ZNF736: variants seen among roughly 807,000 people sequenced by gnomAD.
ZNF736 encodes KRAB-containing zinc-finger repressor protein.
ZNF736 carries 6 observed loss-of-function variants against 11.7 expected under a neutral mutation model. The ratio of observed to expected loss-of-function variants is 0.51; its 90% CI spans 0.28 to 1.01. ZNF736 has a LOEUF of 1.01. ZNF736 is among the 50% of genes least tolerant of loss of function. The probability of loss-of-function intolerance (pLI) is 0.09; values close to 1 mark genes in which losing one functional copy is unlikely to be tolerated. For synonymous variants in ZNF736, 139 were observed against 164.7 expected, an observed-to-expected ratio of 0.84 and a Z score of 1.19; for missense variants, 444 against 496.0, an observed-to-expected ratio of 0.90 and a Z score of 1.00.
At position 64,314,035 on chromosome 7, in the gene ZNF736, C is replaced by T. The variant is rs1314733197; in HGVS notation, c.-116C>T. On this transcript the variant is annotated 5_prime_UTR_variant, in exon 1 of 4. Coordinates refer to ENST00000423484, the MANE Select transcript of ZNF736 (RefSeq NM_001170905.3). ...GATCCTAGTTCGCGTCTCCACTGTT[C>T]CATCTCCTCCGTTCCTGGAGTTCCT... 1 of 1,429,134 alleles carries T rather than the reference C, an allele frequency of 7.0e-7. No homozygotes were observed. Among genetic ancestry groups the T allele is most frequent in the African/African-American group, 1.4e-5 (1 of 70,696 alleles). 88.5% of individuals were successfully genotyped at this position (1,429,134 alleles called of 1,614,324 possible).
chr7:64,345,255 C>T (rs1309441900), intron 3 of ZNF736, among the ~76,000 whole-genome samples: 1 of 150,586 alleles, frequency 6.6e-6, no homozygotes, highest in Non-Finnish European at 1.5e-5. Flanking sequence ...ATCTCCTGAT[C>T]TCATGATCTG....
rs1789461868 is a variant in ZNF736, at chr7:64,349,791, A to G, written c.*644A>G. On this transcript the variant is annotated 3_prime_UTR_variant, in exon 4 of 4. Transcript: ENST00000423484. ...CTCAGCATTTGCTTGTCTGAATAGG[A>G]TCATATATATTTTTTACTTCTGAAG... 1 of 152,184 alleles carries G rather than the reference A, an allele frequency of 6.6e-6. No individual in the cohort carries two copies. The highest frequency in any genetic ancestry group is 6.5e-5 in the Admixed American group (1 of 15,284). The allele number at this position is 152,184 out of a possible 1,614,324, so 9.4% of individuals were successfully genotyped here.
rs1009254001 is a variant in ZNF736, at chr7:64,348,075, A to AT, written c.227-7dup. The AT allele has an allele frequency of 1.3e-5, 19 of 1,471,450 alleles. No homozygotes were observed. Among genetic ancestry groups the AT allele is most frequent in the South Asian group, 4.3e-5 (3 of 69,742 alleles). 91.1% of individuals were successfully genotyped at this position (1,471,450 alleles called of 1,614,324 possible). A position where few individuals can be genotyped will look rare whatever the true frequency, so the allele number is the denominator to read the frequency against. ...CCTGAGTCTAATGAGGGAGAATTTTATTTTTTTTCTCCAGCTGGTTCTTTT... is the reference window on the plus strand; with the variant it reads ...CCTGAGTCTAATGAGGGAGAATTTTATTTTTTTTTCTCCAGCTGGTTCTTTT... On this transcript the variant is annotated splice_polypyrimidine_tract_variant and intron_variant, in intron 3 of 3. Transcript: ENST00000423484.
chr7:64,322,097 T>A (rs1243211373), intron 1 of ZNF736, among the ~76,000 whole-genome samples: 1 of 152,090 alleles, frequency 6.6e-6, no homozygotes, highest in Non-Finnish European at 1.5e-5. Flanking sequence ...TAGAAGAAGG[T>A]ACATTTTATG....
At chr7:64,336,766 G>T in intron 2 of ZNF736, 121 bp from the exon 3 acceptor site, 1 of 831,996 alleles carries the variant, frequency 1.2e-6, no homozygotes, top group Non-Finnish European at 1.9e-6. Flanking sequence ...TTAGGAAACA[G>T]TATATTAAAA....
In ZNF736 at chr7:64,356,425, A is replaced by G. The variant is rs1361283615; in HGVS notation, c.*7278A>G. ...TCTAAGATAAAATATTTGAGAATTA[A>G]TATTACCCAACTTGTCCAATAAAAT... On this transcript the variant is annotated 3_prime_UTR_variant, in exon 4 of 4. Transcript: ENST00000423484. 2.0e-5 allele frequency among the ~76,000 whole-genome samples: 3 copies of G among 152,192 alleles called. No individual in the cohort carries two copies. Among genetic ancestry groups the G allele is most frequent in the Admixed American group, 6.5e-5 (1 of 15,274 alleles).
In ZNF736 at chr7:64,356,585, CTTAT is replaced by C. The variant is rs1432099867; in HGVS notation, c.*7442_*7445del. ...AAACTAAGTTTACTTAAATTATTTACTTATTTAAGAAATCTAATTACATTTTAAA... is the reference window on the plus strand; with the variant it reads ...AAACTAAGTTTACTTAAATTATTTACTTAAGAAATCTAATTACATTTTAAA... On this transcript the variant is annotated 3_prime_UTR_variant, in exon 4 of 4. Coordinates refer to ENST00000423484, the MANE Select transcript of ZNF736 (RefSeq NM_001170905.3). 1.4e-4 allele frequency among the ~76,000 whole-genome samples: 21 copies of C among 151,572 alleles called. No homozygotes were observed. The highest frequency in any genetic ancestry group is 1.2e-4 in the Non-Finnish European group (8 of 67,930).
intron 3 of ZNF736, among the ~76,000 whole-genome samples, chr7:64,342,327 A>T (rs1053617412): frequency 6.6e-6 from 1 of 152,190 alleles, no homozygotes; most frequent in Non-Finnish European, 1.5e-5. Flanking sequence ...GAGAACTTTT[A>T]TCAGAGCACA....
In ZNF736 at chr7:64,319,331, G is replaced by GTGTA. The variant is rs1168269136; in HGVS notation, c.3+5180_3+5183dup. On this transcript the variant is annotated intron_variant, in intron 1 of 3. Transcript: ENST00000423484. Reference sequence around the variant, plus strand: ...TGTATATGTATGTGTGTGTGTGTATGTGTATATATATATATATATATATAT... The same window carrying GTGTA: ...TGTATATGTATGTGTGTGTGTGTATGTGTATGTATATATATATATATATATATAT... Among the ~76,000 whole-genome samples, 400 of 75,516 alleles carry GTGTA rather than the reference G, an allele frequency of 5.3e-3. 16 individuals carry two copies. The highest frequency in any genetic ancestry group is 8.0e-3 in the Admixed American group (54 of 6,790). 49.5% of individuals were successfully genotyped at this position (75,516 alleles called of 152,430 possible).
At position 64,332,805 on chromosome 7, in the gene ZNF736, T is replaced by C. The variant is rs569990360; in HGVS notation, c.4-3454T>C. On this transcript the variant is annotated intron_variant, in intron 1 of 3. Transcript: ENST00000423484. Reference sequence around the variant, plus strand: ...GCTAGGAAAAGAATTTAGCAATATCTCTCCTACTTGCATGCCTGTTTATAG... The same window carrying C: ...GCTAGGAAAAGAATTTAGCAATATCCCTCCTACTTGCATGCCTGTTTATAG... 7.9e-5 allele frequency among the ~76,000 whole-genome samples: 12 copies of C among 152,178 alleles called. No homozygotes were observed. In the South Asian group the frequency reaches 2.5e-3, roughly 32 times the overall value.
chr7:64,336,333 G>C lies in ZNF736; in HGVS notation c.78G>C (p.Gln26His). The change falls in exon 2 of 4, where the codon CAG becomes CAC. Residue 26 changes from glutamine (Q) to histidine (H), a missense_variant. Coordinates refer to ENST00000423484, the MANE Select transcript of ZNF736 (RefSeq NM_001170905.3). Reference protein sequence around the residue: ...EEWECLDSAQQRLYRDVMLEN... With the variant: ...EEWECLDSAQHRLYRDVMLEN... ...GGGAATGCCTGGACTCTGCTCAGCAGCGTTTGTATAGGGATGTGATGTTAG... is the reference window on the plus strand; with the variant it reads ...GGGAATGCCTGGACTCTGCTCAGCACCGTTTGTATAGGGATGTGATGTTAG... 1.9e-6 allele frequency: 3 copies of C among 1,613,894 alleles called. No individual in the cohort carries two copies. The East Asian group carries it at 6.7e-5, about 36-fold the overall frequency.
intron 1 of ZNF736, among the ~76,000 whole-genome samples, chr7:64,325,563 C>T (rs1169821784): frequency 3.9e-5 from 6 of 152,248 alleles, no homozygotes; most frequent in African/African-American, 1.4e-4. Context: ...TCCATGAGTT[C>T]AAGGTCATGG....
At chr7:64,329,738 A>G (rs1407810353) in intron 1 of ZNF736, among the ~76,000 whole-genome samples, 2 of 151,984 alleles carry the variant, frequency 1.3e-5, no homozygotes, top group Non-Finnish European at 2.9e-5. Flanking sequence ...TGGCTCTCAC[A>G]TAAGGCCCAC....
At chr7:64,331,528 C>T (rs560010301) in intron 1 of ZNF736, among the ~76,000 whole-genome samples, 11 of 152,294 alleles carry the variant, frequency 7.2e-5, no homozygotes, top group African/African-American at 2.4e-4. Flanking sequence ...GATCACTCCC[C>T]AGAGTTTTTT....
At chr7:64,330,432 C>T (rs1478931774) in intron 1 of ZNF736, among the ~76,000 whole-genome samples, 1 of 152,040 alleles carries the variant, frequency 6.6e-6, no homozygotes. Flanking sequence ...GCTGGGATTA[C>T]AGGCCTGAGC....
rs764750326 is a variant in ZNF736 at position 64,334,526 on chromosome 7, A to G, written c.4-1733A>G. Among the ~76,000 whole-genome samples, 10 of 152,234 alleles carry G rather than the reference A, an allele frequency of 6.6e-5. 1 individual carries two copies. The highest frequency in any genetic ancestry group is 1.5e-4 in the Non-Finnish European group (10 of 68,036). On this transcript the variant is annotated intron_variant, in intron 1 of 3. Transcript: ENST00000423484. ...AAAAGAAGATATTTATGCAGCCAAC[A>G]AACATAAAAAAAAGTTCATCATCAC...
chr7:64,327,165 C>T (rs1490661622), intron 1 of ZNF736, among the ~76,000 whole-genome samples: 4 of 152,168 alleles, frequency 2.6e-5, no homozygotes, highest in Non-Finnish European at 5.9e-5. Flanking sequence ...GTTGATCTCT[C>T]TCTCTTTAGC....
intron 3 of ZNF736, among the ~76,000 whole-genome samples, chr7:64,339,750 A>G (rs1789310270): frequency 7.1e-6 from 1 of 140,996 alleles, no homozygotes; most frequent in Admixed American, 8.1e-5. Flanking sequence ...AATCCTCAAA[A>G]CTGCTTTGGA....
rs1477343606 is a variant in ZNF736 at position 64,351,287 on chromosome 7, C to G, written c.*2140C>G. The G allele has an allele frequency of 6.6e-6, 1 of 152,306 alleles. No homozygotes were observed. Among genetic ancestry groups the G allele is most frequent in the Non-Finnish European group, 1.5e-5 (1 of 68,058 alleles). The allele number at this position is 152,306 out of a possible 1,614,324, so 9.4% of individuals were successfully genotyped here. On this transcript the variant is annotated 3_prime_UTR_variant, in exon 4 of 4. Transcript: ENST00000423484. Reference sequence around the variant, plus strand: ...GGGGGTGGCGGGGCATATTGCATTCCCATTTGCTGGTGGGGCAAGCAAAGC... The same window carrying G: ...GGGGGTGGCGGGGCATATTGCATTCGCATTTGCTGGTGGGGCAAGCAAAGC...
Sources: gnomAD v4.1 joint callset for allele counts (sites outside exome capture counted in the v4.1 genomes callset) on GRCh38, gnomAD v4.1.1 for gene constraint, MANE v1.5 for transcripts, NCBI Gene and HGNC (gene_info 2026-07-23, HGNC 2026-07-21) for gene names.